The following RNF213 variants were observed in gnomAD, a reference collection of about 807,000 sequenced individuals.
The protein encoded by RNF213 is E3 ubiquitin-protein ligase RNF213.
Under a neutral mutation model 514.4 loss-of-function variants are expected in RNF213, and 341 were observed. The ratio of observed to expected loss-of-function variants is 0.66; its 90% CI spans 0.61 to 0.73. RNF213 has a LOEUF of 0.73. Ranked by LOEUF, RNF213 falls within the 30% of genes least tolerant of loss-of-function variation. RNF213 has a pLI of 0.00. For synonymous variants in RNF213, 2,655 were observed against 2,658.2 expected (o/e 1.00, Z 0.04); for missense variants, 5,767 against 6,615.6 (o/e 0.87, Z 4.45).
intron 60 of RNF213, 144 bp from the exon 61 acceptor site, chr17:80,385,394 C>T: frequency 1.1e-6 from 1 of 889,298 alleles, no homozygotes; most frequent in East Asian, 2.6e-5. Context: ...AAACTCGGCT[C>T]ACTCCTTCAA....
In RNF213 at chr17:80,345,668, A is replaced by C. The variant is rs572701206; in HGVS notation, c.7333A>C (p.Thr2445Pro). ...DLRRGGTNAD[T>P]IKLVKVHGGT... is the part of the protein sequence containing the mutation. ...GCGGCGTGGTGGTACCAATGCTGAC[A>C]CCATAAAGCTGGTCAAGGTGCACGG... The change falls in exon 29 of 68, where the codon ACC becomes CCC. Residue 2445 changes from threonine to proline, a missense_variant. Coordinates refer to ENST00000582970, the MANE Select transcript of RNF213 (RefSeq NM_001256071.3). This position sits in a 1 kb window ranked among gnomAD's most constrained non-coding sequence, Gnocchi z 6.0. 3 of 1,614,246 alleles carry C rather than the reference A, an allele frequency of 1.9e-6. No homozygotes were observed. In the South Asian group the frequency reaches 3.3e-5, roughly 18 times the overall value.
At position 80,353,077 on chromosome 17, in the gene RNF213, G is replaced by T. The variant is rs772480294; in HGVS notation, c.10423+18G>T. On this transcript the variant is annotated intron_variant, in intron 33 of 67. Coordinates refer to ENST00000582970, the MANE Select transcript of RNF213 (RefSeq NM_001256071.3). The surrounding 1 kb of genome is among the most constrained non-coding windows in gnomAD (Gnocchi z 5.0). ...GCCTGAGCGTGAGTCACGAGGCGGA[G>T]CCCCTGGGGGAGCAGGTGGTGGAAG... 4 of 1,609,936 alleles carry T rather than the reference G, an allele frequency of 2.5e-6. No homozygotes were observed. Among genetic ancestry groups the T allele is most frequent in the Non-Finnish European group, 1.7e-6 (2 of 1,180,010 alleles).
chr17:80,388,505 A>G, intron 63 of RNF213, 107 bp from the exon 64 acceptor site: 1 of 794,122 alleles, frequency 1.3e-6, no homozygotes, highest in South Asian at 1.3e-5. Flanking sequence ...TACACAGGGC[A>G]GCGCGGCACT....
Position 80,372,637 on chromosome 17 carries a change from C to T in RNF213, c.12654C>T (p.Ala4218=), listed in dbSNP as rs138525780. ...YSPASRGREP[A]NEASVEYLQE... ...CAGCAAGCCGGGGCCGAGAGCCTGC[C>T]AACGAGGCCTCGGTTGAATACCTGC... Residue 4218 remains alanine, a synonymous_variant, in exon 48 of 68, where the codon GCC becomes GCT. Transcript: ENST00000582970. 48 of 1,614,088 alleles carry T rather than the reference C, an allele frequency of 3.0e-5. No homozygotes were observed. In the African/African-American group the frequency reaches 5.3e-4, roughly 18 times the overall value.
At chr17:80,374,965 T>G in intron 50 of RNF213, 1 of 292,272 alleles carries the variant, frequency 3.4e-6, no homozygotes, top group Non-Finnish European at 6.8e-6. Flanking sequence ...GTATTCATAA[T>G]TCAGATATGC....
At chr17:80,331,978 T>A (rs781301563) in intron 20 of RNF213, 28 bp from the exon 21 acceptor site, 1 of 1,523,770 alleles carries the variant, frequency 6.6e-7, no homozygotes, top group African/African-American at 1.4e-5. Flanking sequence ...GAGCTTTGAC[T>A]TCTGACACTT....
In RNF213 at chr17:80,398,717, G is replaced by C. The variant is rs990469496; in HGVS notation, c.*5219G>C. The C allele has an allele frequency of 6.6e-6, 1 of 151,422 alleles. No homozygotes were observed. Among genetic ancestry groups the C allele is most frequent in the South Asian group, 2.1e-4 (1 of 4,786 alleles). The allele number at this position is 151,422 out of a possible 1,614,324, so 9.4% of individuals were successfully genotyped here. A position where few individuals can be genotyped will look rare whatever the true frequency, so the allele number is the denominator to read the frequency against. On this transcript the variant is annotated 3_prime_UTR_variant, in exon 68 of 68. Transcript: ENST00000582970. ...AGACAGACAAAGAGGGAGTCAGAGA[G>C]AGAGAGAGAAAGAGACAGAGGCAAA... is the stretch of plus-strand genomic sequence containing the variant.
At chr17:80,278,378 C>T (rs1026559104) in intron 3 of RNF213, among the ~76,000 whole-genome samples, 5 of 152,236 alleles carry the variant, frequency 3.3e-5, no homozygotes, top group South Asian at 2.1e-4. Flanking sequence ...CCTTCTGGGT[C>T]GGTCTCTGCA....
At chr17:80,375,427 G>A (rs1374960120) in intron 50 of RNF213, among the ~76,000 whole-genome samples, 1 of 152,020 alleles carries the variant, frequency 6.6e-6, no homozygotes, top group African/African-American at 2.4e-5. Context: ...AGGCAGCGGT[G>A]CGGGGGCGTC....
chr17:80,346,096 C>T lies in RNF213; in HGVS notation c.7761C>T (p.Asp2587=), dbSNP rs756451900. Residue 2587 remains aspartate, a synonymous_variant, in exon 29 of 68, where the codon GAC becomes GAT. Transcript: ENST00000582970. This position sits in a 1 kb window ranked among gnomAD's most constrained non-coding sequence, Gnocchi z 8.1. ...PLVWDFGQLS[D]VAEKLYIQQI... ...TGTGGGACTTTGGACAACTGAGTGA[C>T]GTTGCTGAAAAGCTCTACATCCAGC... The T allele has an allele frequency of 2.9e-5, 46 of 1,613,988 alleles. No individual in the cohort carries two copies. The Middle Eastern group carries it at 2.1e-3, about 75-fold the overall frequency.
At chr17:80,282,563 C>T (rs1412269485) in intron 3 of RNF213, among the ~76,000 whole-genome samples, 1 of 151,750 alleles carries the variant, frequency 6.6e-6, no homozygotes, top group Non-Finnish European at 1.5e-5. Flanking sequence ...CACGCCCAGC[C>T]AATTTTTTTG....
At chr17:80,268,127 A>T in intron 2 of RNF213, among the ~76,000 whole-genome samples, 1 of 151,850 alleles carries the variant, frequency 6.6e-6, no homozygotes, top group Non-Finnish European at 1.5e-5. Context: ...GGCCAATTTT[A>T]TTCTTTTTTA....
At chr17:80,374,004 CAAAAAAAAAA>C (rs397968636) in intron 49 of RNF213, among the ~76,000 whole-genome samples, 2 of 96,208 alleles carry the variant, frequency 2.1e-5, no homozygotes, top group Non-Finnish European at 4.1e-5. Flanking sequence ...GACTCCGTCT[CAAAAAAAAAA>C]AAAAAAAAAA....
chr17:80,295,310 G>T (rs564473066), intron 9 of RNF213, among the ~76,000 whole-genome samples: 2 of 152,310 alleles, frequency 1.3e-5, no homozygotes, highest in Non-Finnish European at 2.9e-5. Flanking sequence ...GTGCAGCCTG[G>T]GTGGGTTTCA....
chr17:80,287,858 C>T lies in RNF213; in HGVS notation c.305C>T (p.Ser102Phe). ...AAGAAGAAAAAGAAGGGGAACAAGTCCGCTTCCTCAGAGCTGGCTTCCTTG... is the reference window on the plus strand; with the variant it reads ...AAGAAGAAAAAGAAGGGGAACAAGTTCGCTTCCTCAGAGCTGGCTTCCTTG... ...KRKKKKKGNK[S>F]ASSELASLPL... The change falls in exon 4 of 68, where the codon TCC becomes TTC. Residue 102 changes from serine to phenylalanine, a missense_variant. By Grantham distance (155) the Ser-to-Phe change is radical. Around this residue, in one of 13 missense-constraint regions of RNF213, gnomAD observed 509 missense variants for 496.7 expected, o/e 1.02. Transcript: ENST00000582970. 4.4e-6 allele frequency: 7 copies of T among 1,605,432 alleles called. No individual in the cohort carries two copies. Among genetic ancestry groups the T allele is most frequent in the Non-Finnish European group, 6.0e-6 (7 of 1,175,776 alleles).
rs1036860484 is a variant in RNF213, at chr17:80,332,245, G to C, written c.3757G>C (p.Ala1253Pro). The C allele has an allele frequency of 1.2e-5, 19 of 1,537,128 alleles. No homozygotes were observed. The Admixed American group carries it at 1.8e-4, about 14-fold the overall frequency. The change falls in exon 21 of 68, where the codon GCC becomes CCC. Residue 1253 changes from alanine to proline, a missense_variant. Physicochemically the swap from Ala to Pro is conservative, Grantham distance 27. Transcript: ENST00000582970. ...PLSEPKEDQE[A>P]AELLSEPEEE... The stretch of plus-strand genomic sequence containing the variant: ...GAGTGAGCCTAAGGAGGACCAGGAA[G>C]CCGCAGAGTTGCTGAGTGAGCCCGA...
intron 26 of RNF213, among the ~76,000 whole-genome samples, chr17:80,342,681 C>G (rs569959554): frequency 7.0e-6 from 1 of 143,846 alleles, no homozygotes; most frequent in African/African-American, 2.6e-5. Context: ...CTATATACTT[C>G]CATATATACT....
At chr17:80,357,022 C>A (rs953398327) in intron 36 of RNF213, among the ~76,000 whole-genome samples, 4 of 151,182 alleles carry the variant, frequency 2.6e-5, no homozygotes, top group Non-Finnish European at 5.9e-5. Context: ...CGGGTTCAAG[C>A]GATTCTCCTG....
At chr17:80,337,787 G>A in intron 24 of RNF213, 46 bp from the exon 25 acceptor site, 17 of 1,536,736 alleles carry the variant, frequency 1.1e-5, no homozygotes, top group Non-Finnish European at 1.5e-5. Flanking sequence ...GCCAGTCCAG[G>A]TCTTCTGGCC....
Sources: allele counts gnomAD v4.1 joint callset (sites outside exome capture counted in the v4.1 genomes callset), GRCh38; gene constraint gnomAD v4.1.1; regional missense constraint gnomAD v4.1.1; non-coding constraint Gnocchi (gnomAD v3.1); transcripts MANE v1.5; gene names NCBI Gene and HGNC (gene_info 2026-07-23, HGNC 2026-07-21).